The following STXBP5L variants were observed in gnomAD, a reference collection of about 807,000 sequenced individuals.
STXBP5L encodes the protein syntaxin-binding protein 5-like.
In STXBP5L, 65 loss-of-function variants were observed where a neutral mutation model predicts 144.5. That is an observed-to-expected ratio of 0.45 (90% confidence interval 0.37 to 0.55). The LOEUF is 0.55. STXBP5L is among the 20% of genes least tolerant of loss of function. The probability of loss-of-function intolerance (pLI) is 0.00; values close to 1 mark genes in which losing one functional copy is unlikely to be tolerated. For missense variants in STXBP5L, 1,298 were observed against 1,405.5 expected (o/e 0.92, Z 1.22); for synonymous variants, 505 against 469.6 (o/e 1.08, Z -0.97).
At chr3:121,164,313 T>C (rs2046425994) in intron 9 of STXBP5L, among the ~76,000 whole-genome samples, 1 of 152,170 alleles carries the variant, frequency 6.6e-6, no homozygotes, top group East Asian at 1.9e-4. Context: ...ATCTTACACC[T>C]ATTAGGATGG....
At chr3:121,008,576 T>A (rs1944527192) in intron 3 of STXBP5L, among the ~76,000 whole-genome samples, 1 of 152,058 alleles carries the variant, frequency 6.6e-6, no homozygotes, top group African/African-American at 2.4e-5. Flanking sequence ...TTAATCCTCA[T>A]CTTGAATAAT....
chr3:121,151,355 C>A (rs1390532380), intron 7 of STXBP5L, among the ~76,000 whole-genome samples: 2 of 151,984 alleles, frequency 1.3e-5, no homozygotes, highest in Non-Finnish European at 2.9e-5. Context: ...GTTTAATAAC[C>A]AAGCATTTTT....
chr3:120,951,455 C>A (rs1055354667), intron 2 of STXBP5L, among the ~76,000 whole-genome samples: 2 of 151,280 alleles, frequency 1.3e-5, no homozygotes, highest in Admixed American at 1.3e-4. Flanking sequence ...AACAAATTTA[C>A]AAGAAAAAAA....
At chr3:121,272,523 A>G (rs893628760) in intron 18 of STXBP5L, among the ~76,000 whole-genome samples, 6 of 152,152 alleles carry the variant, frequency 3.9e-5, no homozygotes, top group African/African-American at 1.4e-4. Flanking sequence ...GCTAAAGTTA[A>G]TCTCTTGTAG....
chr3:120,957,927 T>C (rs1319057902), intron 3 of STXBP5L, among the ~76,000 whole-genome samples: 1 of 151,864 alleles, frequency 6.6e-6, no homozygotes, highest in Non-Finnish European at 1.5e-5. Context: ...CTGAAGGACA[T>C]AGAGACACAA....
intron 5 of STXBP5L, among the ~76,000 whole-genome samples, chr3:121,084,089 G>A (rs1420150205): frequency 6.6e-6 from 1 of 151,002 alleles, no homozygotes; most frequent in Non-Finnish European, 1.5e-5. Context: ...GTTGATTTTT[G>A]CTCTTTACTA....
intron 5 of STXBP5L, among the ~76,000 whole-genome samples, chr3:121,066,298 G>C (rs754641145): frequency 6.6e-6 from 1 of 151,554 alleles, no homozygotes; most frequent in Non-Finnish European, 1.5e-5. Context: ...TTTGCTGGAA[G>C]ATTTTTGGTA....
chr3:121,085,305 G>T (rs139329537), intron 5 of STXBP5L, among the ~76,000 whole-genome samples: 5 of 152,072 alleles, frequency 3.3e-5, no homozygotes, highest in Non-Finnish European at 5.9e-5. Flanking sequence ...CCTATGTCCT[G>T]AGTGGTATTG....
intron 3 of STXBP5L, among the ~76,000 whole-genome samples, chr3:120,975,144 T>A (rs1463879552): frequency 6.6e-6 from 1 of 152,222 alleles, no homozygotes; most frequent in Non-Finnish European, 1.5e-5. Flanking sequence ...AGTGTGGCCA[T>A]TTTCACGATA....
chr3:121,408,795 C>A (rs1409188058), intron 23 of STXBP5L, among the ~76,000 whole-genome samples: 2 of 151,808 alleles, frequency 1.3e-5, no homozygotes, highest in African/African-American at 4.8e-5. Flanking sequence ...GTATTGAAGG[C>A]AACGAGGAAA....
At chr3:120,911,747 T>A (rs1708852486) in intron 2 of STXBP5L, among the ~76,000 whole-genome samples, 1 of 152,062 alleles carries the variant, frequency 6.6e-6, no homozygotes, top group African/African-American at 2.4e-5. Context: ...ACTGAAGTCT[T>A]ACTAAATGTG....
chr3:121,412,048 T>TATTTAC (rs1208497738), intron 23 of STXBP5L, among the ~76,000 whole-genome samples: 4 of 7,124 alleles, frequency 5.6e-4, no homozygotes, highest in African/African-American at 3.2e-3. Context: ...CTGTGATTTT[T>TATTTAC]ATGATTTTAT....
intron 5 of STXBP5L, among the ~76,000 whole-genome samples, chr3:121,067,144 T>G (rs2041588312): frequency 6.6e-6 from 1 of 152,088 alleles, no homozygotes. Flanking sequence ...TTTTTTCAAA[T>G]GTACATGTAT....
At chr3:121,006,705 T>C (rs892354959) in intron 3 of STXBP5L, among the ~76,000 whole-genome samples, 1 of 152,186 alleles carries the variant, frequency 6.6e-6, no homozygotes, top group African/African-American at 2.4e-5. Flanking sequence ...TTCCTTTCTA[T>C]GTTTAGTGCC....
At chr3:121,249,543 G>T (rs1455538155) in intron 14 of STXBP5L, among the ~76,000 whole-genome samples, 1 of 152,042 alleles carries the variant, frequency 6.6e-6, no homozygotes, top group Non-Finnish European at 1.5e-5. Context: ...TATTGATATT[G>T]TGTGTTACAA....
In STXBP5L at chr3:121,422,311, A is replaced by C. The variant is rs555755861; in HGVS notation, c.*3214A>C. ...TTAGTTACCATCAAAATTACATTCT[A>C]TCTGCTAAAGCGACATCAGAAGATA... On this transcript the variant is annotated 3_prime_UTR_variant, in exon 27 of 27. Transcript: ENST00000471454. The C allele has an allele frequency of 6.6e-6, 1 of 152,324 alleles. No homozygotes were observed. The highest frequency in any genetic ancestry group is 1.5e-5 in the Non-Finnish European group (1 of 68,018). The allele number at this position is 152,324 out of a possible 1,614,324, so 9.4% of individuals were successfully genotyped here.
At chr3:121,053,347 C>T (rs573591289) in intron 5 of STXBP5L, among the ~76,000 whole-genome samples, 8 of 152,268 alleles carry the variant, frequency 5.3e-5, no homozygotes, top group African/African-American at 1.7e-4. Context: ...AACTATACTA[C>T]AAGGCTACAG....
chr3:120,998,431 G>C (rs1287491804), intron 3 of STXBP5L, among the ~76,000 whole-genome samples: 1 of 151,860 alleles, frequency 6.6e-6, no homozygotes, highest in African/African-American at 2.4e-5. Flanking sequence ...TGTGCAGAAC[G>C]TGCAGGTTTG....
At chr3:120,988,062 G>T (rs1942474813) in intron 3 of STXBP5L, among the ~76,000 whole-genome samples, 1 of 148,098 alleles carries the variant, frequency 6.8e-6, no homozygotes, top group Admixed American at 6.7e-5. Context: ...GGTTTTTCAG[G>T]TATATTTATT....
Sources: gnomAD v4.1 joint callset for allele counts (sites outside exome capture counted in the v4.1 genomes callset) on GRCh38, gnomAD v4.1.1 for gene constraint, MANE v1.5 for transcripts, NCBI Gene and HGNC (gene_info 2026-07-23, HGNC 2026-07-21) for gene names.